Variants in PITPNC1 observed in about 807,000 individuals in gnomAD.
PITPNC1 encodes the protein cytoplasmic phosphatidylinositol transfer protein 1.
PITPNC1 carries 18 observed loss-of-function variants against 44.7 expected under a neutral mutation model. The ratio of observed to expected loss-of-function variants is 0.40; its 90% CI spans 0.28 to 0.60. PITPNC1 has a LOEUF of 0.60. PITPNC1 is among the 20% of genes least tolerant of loss of function. PITPNC1 has a pLI of 0.39. For synonymous variants in PITPNC1, 141 were observed against 149.6 expected, an observed-to-expected ratio of 0.94 and a Z score of 0.42; for missense variants, 290 against 418.4, an observed-to-expected ratio of 0.69 and a Z score of 2.68.
chr17:67,442,594 G>C (rs905933799), intron 1 of PITPNC1, among the ~76,000 whole-genome samples: 2 of 151,876 alleles, frequency 1.3e-5, no homozygotes, highest in Admixed American at 1.3e-4. Flanking sequence ...TGTAATCCCA[G>C]CATATTGGGA....
intron 6 of PITPNC1, among the ~76,000 whole-genome samples, chr17:67,656,651 C>T (rs2042271747): frequency 6.6e-6 from 1 of 152,166 alleles, no homozygotes; most frequent in Non-Finnish European, 1.5e-5. Context: ...GACACGTAAT[C>T]TCGGTCACAC....
chr17:67,543,310 C>T (rs1452388564), intron 2 of PITPNC1, among the ~76,000 whole-genome samples: 1 of 152,198 alleles, frequency 6.6e-6, no homozygotes, highest in East Asian at 1.9e-4. Context: ...ACCACTTGTT[C>T]CAAAATCCCA....
At chr17:67,517,610 C>T (rs1366678152) in intron 1 of PITPNC1, among the ~76,000 whole-genome samples, 1 of 152,304 alleles carries the variant, frequency 6.6e-6, no homozygotes, top group East Asian at 1.9e-4. Flanking sequence ...GCATGCTAAA[C>T]ATGAATGAAT....
intron 1 of PITPNC1, among the ~76,000 whole-genome samples, chr17:67,528,716 T>G (rs1350049754): frequency 6.6e-6 from 1 of 152,228 alleles, no homozygotes; most frequent in African/African-American, 2.4e-5. Flanking sequence ...TTATGTGCAT[T>G]TCTGAAAGAT....
chr17:67,577,103 G>A (rs1257789703), intron 4 of PITPNC1, among the ~76,000 whole-genome samples: 1 of 151,970 alleles, frequency 6.6e-6, no homozygotes, highest in Non-Finnish European at 1.5e-5. Flanking sequence ...GCAACAGAGA[G>A]AGACCCTTGC....
chr17:67,524,649 T>C (rs1202996709), intron 1 of PITPNC1: 1 of 151,972 alleles, frequency 6.6e-6, no homozygotes, highest in African/African-American at 2.4e-5. Flanking sequence ...CGCTAAATTT[T>C]CATTGGCAGT....
chr17:67,565,028 A>T (rs7208238), intron 4 of PITPNC1, among the ~76,000 whole-genome samples: 1 of 150,238 alleles, frequency 6.7e-6, no homozygotes, highest in African/African-American at 2.5e-5. Context: ...TTCAGTGTGT[A>T]TACTCGTTTG....
intron 6 of PITPNC1, among the ~76,000 whole-genome samples, chr17:67,652,652 T>A (rs551423423): frequency 6.6e-6 from 1 of 152,326 alleles, no homozygotes; most frequent in South Asian, 2.1e-4. Context: ...ACCAGCCAGC[T>A]GCCGGGCCGA....
intron 1 of PITPNC1, among the ~76,000 whole-genome samples, chr17:67,441,037 G>A (rs558830983): frequency 6.6e-6 from 1 of 152,280 alleles, no homozygotes; most frequent in South Asian, 2.1e-4. Context: ...GCATCTGTCA[G>A]GGTTAACCTG....
In PITPNC1 at chr17:67,532,782, T is replaced by G; in HGVS notation, c.49-20T>G. The G allele has an allele frequency of 1.9e-6, 3 of 1,548,946 alleles. No individual in the cohort carries two copies. The highest frequency in any genetic ancestry group is 2.6e-6 in the Non-Finnish European group (3 of 1,144,908). On this transcript the variant is annotated intron_variant, in intron 1 of 8. Transcript: ENST00000581322. The stretch of plus-strand genomic sequence containing the variant: ...GCACGCTGTGGGGCTGACCTTTCTG[T>G]CTCTGACTCTGTTTTGTAGTACAAA...
intron 5 of PITPNC1, among the ~76,000 whole-genome samples, chr17:67,631,402 G>T (rs2041964696): frequency 2.0e-5 from 3 of 147,178 alleles, no homozygotes; most frequent in Non-Finnish European, 4.5e-5. Context: ...GGCTGAGGCG[G>T]GCGGATCACG....
chr17:67,413,401 T>TTTTTTCTTTCTTTCTTTCTTTCTTTC (rs2038534259), intron 1 of PITPNC1, among the ~76,000 whole-genome samples: 8 of 145,510 alleles, frequency 5.5e-5, no homozygotes, highest in African/African-American at 1.8e-4. Context: ...ATGTGCTTAA[T>TTTTTTCTTTCTTTCTTTCTTTCTTTC]TTTCTTTCTT....
At chr17:67,442,206 T>C (rs1183221496) in intron 1 of PITPNC1, among the ~76,000 whole-genome samples, 3 of 32,088 alleles carry the variant, frequency 9.3e-5, no homozygotes, top group East Asian at 1.3e-3. Flanking sequence ...AAAATAAGCA[T>C]ATATATATAT....
intron 1 of PITPNC1, among the ~76,000 whole-genome samples, chr17:67,491,063 C>T (rs191205055): frequency 1.1e-4 from 17 of 152,202 alleles, no homozygotes; most frequent in Non-Finnish European, 1.9e-4. Context: ...CTGCCCTGGG[C>T]ACCAGGGTTT....
chr17:67,389,622 C>T (rs1413898435), intron 1 of PITPNC1, among the ~76,000 whole-genome samples: 2 of 152,102 alleles, frequency 1.3e-5, no homozygotes, highest in African/African-American at 2.4e-5. Flanking sequence ...TATTAAGAAC[C>T]ATTGAATTGG....
At chr17:67,558,349 C>A (rs1038297848) in intron 4 of PITPNC1, among the ~76,000 whole-genome samples, 1 of 151,936 alleles carries the variant, frequency 6.6e-6, no homozygotes, top group Non-Finnish European at 1.5e-5. Context: ...AGAGGACAGA[C>A]CATTCAACCA....
chr17:67,690,164 T>C (rs2042893786), intron 8 of PITPNC1, among the ~76,000 whole-genome samples: 3 of 152,200 alleles, frequency 2.0e-5, no homozygotes, highest in Non-Finnish European at 4.4e-5. Context: ...ACCTAAAGAT[T>C]AAGCTGGGCA....
chr17:67,403,582 C>T (rs565999541), intron 1 of PITPNC1, among the ~76,000 whole-genome samples: 1 of 152,298 alleles, frequency 6.6e-6, no homozygotes, highest in South Asian at 2.1e-4. Context: ...TTCTAGTGGG[C>T]CAGGCCCAAT....
chr17:67,677,147 C>T (rs2042617970), intron 8 of PITPNC1, among the ~76,000 whole-genome samples: 1 of 152,176 alleles, frequency 6.6e-6, no homozygotes, highest in South Asian at 2.1e-4. Context: ...GCACAGACCC[C>T]AAGAAAGGAT....
Sources: gnomAD v4.1 joint callset for allele counts (sites outside exome capture counted in the v4.1 genomes callset) on GRCh38, gnomAD v4.1.1 for gene constraint, MANE v1.5 for transcripts, NCBI Gene and HGNC (gene_info 2026-07-23, HGNC 2026-07-21) for gene names.